The following MAP3K5 variants were observed in gnomAD, a reference collection of about 807,000 sequenced individuals.
The protein encoded by MAP3K5 is mitogen-activated protein kinase kinase kinase 5.
Under a neutral mutation model 158.7 loss-of-function variants are expected in MAP3K5, and 56 were observed. The ratio of observed to expected loss-of-function variants is 0.35; its 90% CI spans 0.28 to 0.44. The LOEUF is 0.44. Ranked by LOEUF, MAP3K5 falls within the 20% of genes least tolerant of loss-of-function variation. MAP3K5 has a pLI of 1.00. For missense variants in MAP3K5, 1,294 were observed against 1,674.8 expected (o/e 0.77, Z 3.97); for synonymous variants, 579 against 601.7 (o/e 0.96, Z 0.55).
intron 1 of MAP3K5, among the ~76,000 whole-genome samples, chr6:136,730,153 G>GTTTTTT (rs60058823): frequency 5.2e-5 from 7 of 133,386 alleles, no homozygotes; most frequent in Non-Finnish European, 7.8e-5. Flanking sequence ...TTGTTTGGTT[G>GTTTTTT]TTTTTTTTTT....
chr6:136,632,720 G>C (rs1384420702), intron 14 of MAP3K5, among the ~76,000 whole-genome samples: 3 of 152,126 alleles, frequency 2.0e-5, no homozygotes, highest in Non-Finnish European at 4.4e-5. Context: ...GATTAAGACG[G>C]GTTTGGGAGG....
At chr6:136,591,967 T>C (rs911745348) in intron 23 of MAP3K5, among the ~76,000 whole-genome samples, 1 of 152,168 alleles carries the variant, frequency 6.6e-6, no homozygotes, top group Non-Finnish European at 1.5e-5. Context: ...TGTTCAAAAA[T>C]GCAATGAAAA....
chr6:136,587,504 T>A (rs894310210), intron 23 of MAP3K5, among the ~76,000 whole-genome samples: 1 of 152,190 alleles, frequency 6.6e-6, no homozygotes, highest in African/African-American at 2.4e-5. Context: ...GTTGCCCAAA[T>A]TGCACAGCCT....
At chr6:136,628,478 A>G (rs1583298018) in intron 14 of MAP3K5, among the ~76,000 whole-genome samples, 1 of 152,032 alleles carries the variant, frequency 6.6e-6, no homozygotes, top group African/African-American at 2.4e-5. Flanking sequence ...CCTGGGCTCA[A>G]GTGATCCTCC....
intron 6 of MAP3K5, 123 bp from the exon 7 acceptor site, chr6:136,694,433 T>A: frequency 1.2e-6 from 1 of 811,124 alleles, no homozygotes; most frequent in Non-Finnish European, 1.9e-6. Context: ...CAGAAACAAT[T>A]AGATTTTGAG....
At chr6:136,771,061 A>G (rs1214457825) in intron 1 of MAP3K5, among the ~76,000 whole-genome samples, 2 of 152,192 alleles carry the variant, frequency 1.3e-5, no homozygotes, top group Non-Finnish European at 2.9e-5. Context: ...TCTGTATGAA[A>G]GTACGTTTGA....
intron 21 of MAP3K5, among the ~76,000 whole-genome samples, chr6:136,598,582 A>G (rs1346984473): frequency 1.3e-5 from 2 of 152,176 alleles, no homozygotes; most frequent in Non-Finnish European, 2.9e-5. Context: ...GTGTGTGGCC[A>G]TGGAAGAGCA....
intron 15 of MAP3K5, among the ~76,000 whole-genome samples, chr6:136,621,007 TAG>T (rs2129095518): frequency 6.6e-6 from 1 of 152,284 alleles, no homozygotes; most frequent in South Asian, 2.1e-4. Context: ...TCTTCAAGCA[TAG>T]GTTGGTGCAA....
intron 15 of MAP3K5, among the ~76,000 whole-genome samples, chr6:136,619,694 G>A (rs1776718099): frequency 6.6e-6 from 1 of 152,202 alleles, no homozygotes; most frequent in Non-Finnish European, 1.5e-5. Flanking sequence ...GCAGAGACCA[G>A]TTAGGAGGTG....
At chr6:136,773,711 G>A (rs993883625) in intron 1 of MAP3K5, among the ~76,000 whole-genome samples, 19 of 152,076 alleles carry the variant, frequency 1.2e-4, no homozygotes, top group South Asian at 2.1e-4. Flanking sequence ...GCAGTGGTAC[G>A]ATCTCAGCTC....
chr6:136,703,538 C>T (rs895855174), intron 3 of MAP3K5, among the ~76,000 whole-genome samples: 1 of 152,224 alleles, frequency 6.6e-6, no homozygotes, highest in African/African-American at 2.4e-5. Flanking sequence ...AAGCCCAAAG[C>T]CTGGCGTGCA....
At chr6:136,781,991 G>C (rs756242250) in intron 1 of MAP3K5, among the ~76,000 whole-genome samples, 3 of 150,416 alleles carry the variant, frequency 2.0e-5, no homozygotes, top group Non-Finnish European at 4.4e-5. Context: ...AGGGGCAGGT[G>C]AATTGCTTGA....
chr6:136,625,841 T>G (rs1777009936), intron 14 of MAP3K5, among the ~76,000 whole-genome samples: 1 of 151,814 alleles, frequency 6.6e-6, no homozygotes, highest in Non-Finnish European at 1.5e-5. Context: ...CTTCATTAAG[T>G]CAGAAATGAT....
chr6:136,583,533 A>T, intron 24 of MAP3K5, 22 bp downstream of exon 24: 1 of 1,589,442 alleles, frequency 6.3e-7, no homozygotes, highest in East Asian at 2.3e-5. Flanking sequence ...GTGGGAAAAC[A>T]CTGGCAAAAT....
chr6:136,749,753 C>T (rs1370915755), intron 1 of MAP3K5, among the ~76,000 whole-genome samples: 1 of 152,018 alleles, frequency 6.6e-6, no homozygotes, highest in Non-Finnish European at 1.5e-5. Context: ...TGTCTATAAG[C>T]CCACATGGAC....
intron 1 of MAP3K5, among the ~76,000 whole-genome samples, chr6:136,756,057 C>A (rs901839723): frequency 1.3e-5 from 2 of 151,650 alleles, no homozygotes; most frequent in African/African-American, 4.8e-5. Context: ...AAGTCACTGT[C>A]ACACTTTGGG....
At chr6:136,608,117 C>T (rs1238384415) in intron 18 of MAP3K5, among the ~76,000 whole-genome samples, 1 of 152,076 alleles carries the variant, frequency 6.6e-6, no homozygotes, top group African/African-American at 2.4e-5. Flanking sequence ...ACCCTGCCTG[C>T]TGTCATGGAG....
At chr6:136,597,870 C>A (rs1775702353) in intron 21 of MAP3K5, among the ~76,000 whole-genome samples, 1 of 152,222 alleles carries the variant, frequency 6.6e-6, no homozygotes, top group African/African-American at 2.4e-5. Context: ...TGGTTATTAA[C>A]ACTGACATTT....
At chr6:136,590,251 A>C (rs1224698828) in intron 23 of MAP3K5, among the ~76,000 whole-genome samples, 3 of 152,230 alleles carry the variant, frequency 2.0e-5, no homozygotes, top group Non-Finnish European at 2.9e-5. Flanking sequence ...ATGAGCCCAA[A>C]TAAACCTCTT....
Sources: gnomAD v4.1 joint callset for allele counts (sites outside exome capture counted in the v4.1 genomes callset) on GRCh38, gnomAD v4.1.1 for gene constraint, MANE v1.5 for transcripts, NCBI Gene and HGNC (gene_info 2026-07-23, HGNC 2026-07-21) for gene names.